The following AKAP6 variants were observed in gnomAD, a reference collection of about 807,000 sequenced individuals.
AKAP6 encodes A-kinase anchoring protein 6, also known as A-kinase anchor protein 6.
Under a neutral mutation model 188.5 loss-of-function variants are expected in AKAP6, and 58 were observed. That is an observed-to-expected ratio of 0.31 (90% CI 0.25 to 0.38). The LOEUF is 0.38. Among genes scored for constraint, AKAP6 ranks in the 10% least tolerant of loss-of-function variants. The pLI, the probability that AKAP6 is intolerant of heterozygous loss-of-function variation, is 1.00. For synonymous variants in AKAP6, 989 were observed against 998.6 expected (o/e 0.99, Z 0.18); for missense variants, 2,710 against 2,740.0 (o/e 0.99, Z 0.24).
At chr14:32,773,286 A>G (rs919688131) in intron 11 of AKAP6, among the ~76,000 whole-genome samples, 1 of 152,154 alleles carries the variant, frequency 6.6e-6, no homozygotes, top group Non-Finnish European at 1.5e-5. Context: ...ATTTGGAAAA[A>G]TTCTATTTCT....
rs1266325371 is a variant in AKAP6, at chr14:32,577,147, A to G, written c.2374A>G (p.Ile792Val). 4 of 1,611,582 alleles carry G rather than the reference A, an allele frequency of 2.5e-6. No homozygotes were observed. The highest frequency in any genetic ancestry group is 1.7e-4 in the Middle Eastern group (1 of 6,042). ...GTTTGTAAACAAACTGGATGAATTC[A>G]TTCAATGGTTAAATGAAGCCATGGA... ...EGFVNKLDEF[I>V]QWLNEAMETT... The change falls in exon 5 of 14, where the codon ATT becomes GTT. Residue 792 changes from isoleucine (I) to valine (V), a missense_variant. Coordinates refer to ENST00000280979, the MANE Select transcript of AKAP6 (RefSeq NM_004274.5).
Position 32,821,975 on chromosome 14 carries a change from G to A in AKAP6, c.4162G>A (p.Gly1388Arg), listed in dbSNP as rs761311880. The A allele has an allele frequency of 3.1e-6, 5 of 1,613,908 alleles. No homozygotes were observed. The East Asian group carries it at 6.7e-5, about 22-fold the overall frequency. Residue 1388 changes from glycine (G) to arginine (R), a missense_variant, in exon 13 of 14, where the codon GGG becomes AGG. Around this residue, in one of 2 missense-constraint regions of AKAP6, gnomAD observed 2,473 missense variants for 2,426.1 expected, o/e 1.02. Transcript: ENST00000280979. ...SEMCLLNAVDGSPSNLETEHL... is the reference protein window; with the variant it reads ...SEMCLLNAVDRSPSNLETEHL... ...AATGTGCTTGCTCAATGCAGTGGAT[G>A]GGTCCCCAAGTAACCTTGAAACTGA...
chr14:32,436,045 A>G (rs376186311), intron 2 of AKAP6, among the ~76,000 whole-genome samples: 2 of 152,352 alleles, frequency 1.3e-5, no homozygotes, highest in African/African-American at 2.4e-5. Context: ...ATGTGGAAAC[A>G]CAACAAAACA....
chr14:32,345,989 C>T (rs887332789), intron 1 of AKAP6, among the ~76,000 whole-genome samples: 1 of 152,104 alleles, frequency 6.6e-6, no homozygotes, highest in African/African-American at 2.4e-5. Flanking sequence ...ACATATTTTA[C>T]AAAACATATA....
At chr14:32,699,333 A>G (rs1890535518) in intron 9 of AKAP6, among the ~76,000 whole-genome samples, 1 of 152,232 alleles carries the variant, frequency 6.6e-6, no homozygotes, top group Admixed American at 6.5e-5. Context: ...ATCCAAAGCC[A>G]GCAAAATACA....
intron 7 of AKAP6, among the ~76,000 whole-genome samples, chr14:32,661,547 T>A: frequency 6.6e-6 from 1 of 152,090 alleles, no homozygotes; most frequent in Non-Finnish European, 1.5e-5. Flanking sequence ...GACAAGTACA[T>A]TGGGCCTTGC....
At chr14:32,341,453 A>G (rs1886887196) in intron 1 of AKAP6, among the ~76,000 whole-genome samples, 1 of 152,220 alleles carries the variant, frequency 6.6e-6, no homozygotes, top group African/African-American at 2.4e-5. Context: ...TCATTATCAT[A>G]GCAATGTTAG....
At chr14:32,439,470 A>G (rs1183457725) in intron 2 of AKAP6, among the ~76,000 whole-genome samples, 1 of 152,150 alleles carries the variant, frequency 6.6e-6, no homozygotes. Context: ...AGTGTGGATA[A>G]CTAATGAGGG....
intron 12 of AKAP6, among the ~76,000 whole-genome samples, chr14:32,813,303 C>G (rs1275557973): frequency 2.0e-5 from 3 of 152,108 alleles, no homozygotes; most frequent in South Asian, 4.2e-4. Flanking sequence ...CCTTACCCAC[C>G]TAGCATCTCC....
At chr14:32,527,106 CTACT>C (rs1882169822) in intron 2 of AKAP6, among the ~76,000 whole-genome samples, 1 of 152,214 alleles carries the variant, frequency 6.6e-6, no homozygotes, top group Non-Finnish European at 1.5e-5. Context: ...ATCCTCTTCT[CTACT>C]TAGTCTTCCC....
Position 32,496,244 on chromosome 14 carries a change from G to A in AKAP6, c.325-39310G>A, listed in dbSNP as rs189407708. 1.8e-3 allele frequency among the ~76,000 whole-genome samples: 276 copies of A among 152,210 alleles called. 2 individuals carry two copies. Among genetic ancestry groups the A allele is most frequent in the African/African-American group, 6.2e-3 (259 of 41,546 alleles). The stretch of plus-strand genomic sequence containing the variant: ...CTTTTAAGGAATCTATGTATAAAAT[G>A]AATAGAGAGTTACAACTAAATTTAT... On this transcript the variant is annotated intron_variant, in intron 2 of 13. Transcript: ENST00000280979.
At chr14:32,637,871 G>A (rs1022130220) in intron 7 of AKAP6, among the ~76,000 whole-genome samples, 5 of 152,064 alleles carry the variant, frequency 3.3e-5, no homozygotes, top group African/African-American at 1.2e-4. Flanking sequence ...AAACTGGGAT[G>A]TGGGAAGAAT....
chr14:32,821,527 T>C lies in AKAP6; in HGVS notation c.3714T>C (p.Leu1238=). ...GTTTGAATGAGGAATCAAATGACCT[T>C]GATCAAGAACTCCAACCTGTTATCC... The part of the protein sequence containing the change: ...LISLNEESND[L]DQELQPVIPS... The change falls in exon 13 of 14, where the codon CTT becomes CTC. Residue 1238 remains leucine, a synonymous_variant. Transcript: ENST00000280979. The C allele has an allele frequency of 6.2e-7, 1 of 1,613,756 alleles. No homozygotes were observed. The highest frequency in any genetic ancestry group is 8.5e-7 in the Non-Finnish European group (1 of 1,179,814).
intron 5 of AKAP6, among the ~76,000 whole-genome samples, chr14:32,581,512 G>T (rs370998239): frequency 2.0e-5 from 3 of 152,000 alleles, no homozygotes; most frequent in African/African-American, 7.2e-5. Context: ...TATTAGGTCC[G>T]CTTGGTGCAG....
chr14:32,345,133 G>A (rs1334269357), intron 1 of AKAP6, among the ~76,000 whole-genome samples: 1 of 152,078 alleles, frequency 6.6e-6, no homozygotes, highest in Non-Finnish European at 1.5e-5. Context: ...AGGGATTTTA[G>A]GGCCAATGAA....
intron 11 of AKAP6, among the ~76,000 whole-genome samples, chr14:32,763,450 T>A (rs1314700626): frequency 6.6e-6 from 1 of 152,132 alleles, no homozygotes; most frequent in Admixed American, 6.5e-5. Flanking sequence ...AATCTGCTAA[T>A]GTGGCAAAGA....
intron 1 of AKAP6, among the ~76,000 whole-genome samples, chr14:32,379,110 A>G (rs949861363): frequency 6.6e-6 from 1 of 151,856 alleles, no homozygotes. Context: ...TAGTAGAGAC[A>G]GGGTTTCACC....
chr14:32,510,436 G>GTATATATATATACATATATATA (rs1555335161), intron 2 of AKAP6, among the ~76,000 whole-genome samples: 1 of 30,258 alleles, frequency 3.3e-5, no homozygotes, highest in African/African-American at 1.4e-4. Context: ...ATATATATAT[G>GTATATATATATACATATATATA]TGTATATATA....
At chr14:32,654,300 T>A (rs1403329026) in intron 7 of AKAP6, among the ~76,000 whole-genome samples, 1 of 152,014 alleles carries the variant, frequency 6.6e-6, no homozygotes, top group Non-Finnish European at 1.5e-5. Context: ...TCTGGGTCTG[T>A]TTTTCTGACA....
Sources: allele counts gnomAD v4.1 joint callset (sites outside exome capture counted in the v4.1 genomes callset), GRCh38; gene constraint gnomAD v4.1.1; regional missense constraint gnomAD v4.1.1; transcripts MANE v1.5; gene names NCBI Gene and HGNC (gene_info 2026-07-23, HGNC 2026-07-21).